ALK: variants seen among roughly 807,000 people sequenced by gnomAD.
The protein encoded by ALK is ALK tyrosine kinase receptor.
A neutral mutation model predicts 163.1 loss-of-function variants in ALK; 74 were observed. The ratio of observed to expected loss-of-function variants is 0.45; its 90% CI spans 0.38 to 0.55. The LOEUF (loss-of-function observed/expected upper bound fraction) is 0.55, where lower values mean the gene tolerates loss of function less well. Ranked by LOEUF, ALK falls within the 20% of genes least tolerant of loss-of-function variation. The pLI is 0.00. For missense variants in ALK, 2,063 were observed against 2,105.3 expected (o/e 0.98, Z 0.39); for synonymous variants, 960 against 843.2 (o/e 1.14, Z -2.40).
At chr2:29,739,438 G>A (rs1679989151) in intron 1 of ALK, among the ~76,000 whole-genome samples, 1 of 151,274 alleles carries the variant, frequency 6.6e-6, no homozygotes, top group Non-Finnish European at 1.5e-5. Flanking sequence ...TGTGCCTGTA[G>A]TCTCAGCTAC....
At chr2:29,809,583 C>T (rs571017210) in intron 1 of ALK, among the ~76,000 whole-genome samples, 34 of 152,316 alleles carry the variant, frequency 2.2e-4, no homozygotes, top group African/African-American at 8.2e-4. Flanking sequence ...CTGCCTGGCA[C>T]CTTGCTTCCT....
intron 2 of ALK, among the ~76,000 whole-genome samples, chr2:29,703,917 G>A (rs561982239): frequency 6.6e-6 from 1 of 152,138 alleles, no homozygotes; most frequent in Non-Finnish European, 1.5e-5. Flanking sequence ...ATTTCTCCTG[G>A]TTGCAGAAGT....
At chr2:29,233,504 T>C in intron 14 of ALK, 61 bp downstream of exon 14, 2 of 1,611,806 alleles carry the variant, frequency 1.2e-6, no homozygotes, top group Non-Finnish European at 8.5e-7. Flanking sequence ...AGGGCTGTCA[T>C]GAGGCTCTGA....
At chr2:29,415,080 A>T (rs1020468281) in intron 4 of ALK, among the ~76,000 whole-genome samples, 1 of 151,062 alleles carries the variant, frequency 6.6e-6, no homozygotes, top group African/African-American at 2.4e-5. Flanking sequence ...CACATCAAAT[A>T]CAGTCACAGG....
intron 5 of ALK, among the ~76,000 whole-genome samples, chr2:29,337,778 G>T (rs140804330): frequency 6.6e-6 from 1 of 152,086 alleles, no homozygotes; most frequent in Non-Finnish European, 1.5e-5. Context: ...TCTCAAGAGC[G>T]CCTTTCGCCC....
chr2:29,920,393 G>A lies in ALK; in HGVS notation c.267C>T (p.Gly89=). ...GCGGGGCGCAGTCCAGAGCTAGCGA[G>A]CCGCGGGCCTCGGGCCTGCCAGCCT... ...ELKAGRPEAR[G]SLALDCAPLL... The change falls in exon 1 of 29, where the codon GGC becomes GGT. Residue 89 remains glycine, a synonymous_variant. Coordinates refer to ENST00000389048, the MANE Select transcript of ALK (RefSeq NM_004304.5). 6.4e-7 allele frequency: 1 copy of A among 1,570,148 alleles called. No homozygotes were observed. The highest frequency in any genetic ancestry group is 1.2e-5 in the South Asian group (1 of 85,776).
intron 1 of ALK, among the ~76,000 whole-genome samples, chr2:29,765,953 T>G (rs1376317434): frequency 1.3e-5 from 2 of 152,220 alleles, no homozygotes. Context: ...GTGAGCTGGC[T>G]GCAGTGCACC....
intron 4 of ALK, among the ~76,000 whole-genome samples, chr2:29,436,559 A>C (rs1347329912): frequency 1.3e-5 from 2 of 152,242 alleles, no homozygotes; most frequent in African/African-American, 4.8e-5. Flanking sequence ...GCAGGTATCA[A>C]GAGTTCATCT....
At chr2:29,558,306 T>C (rs75915603) in intron 3 of ALK, among the ~76,000 whole-genome samples, 6,657 of 152,318 alleles carry the variant, frequency 0.044, 174 homozygotes, top group Non-Finnish European at 0.067. Flanking sequence ...ATATTCCTGC[T>C]TATCTCAGGG....
chr2:29,869,370 A>C (rs1666519454), intron 1 of ALK, among the ~76,000 whole-genome samples: 4 of 152,216 alleles, frequency 2.6e-5, no homozygotes, highest in Non-Finnish European at 5.9e-5. Context: ...CTAAGGTAAG[A>C]TCAATGTGTT....
At chr2:29,730,038 G>A (rs927119985) in intron 1 of ALK, among the ~76,000 whole-genome samples, 9 of 152,186 alleles carry the variant, frequency 5.9e-5, no homozygotes, top group East Asian at 3.9e-4. Flanking sequence ...AAGGTAAGTC[G>A]TCCTATTAAA....
chr2:29,480,323 A>T (rs1671631862), intron 4 of ALK, among the ~76,000 whole-genome samples: 1 of 152,180 alleles, frequency 6.6e-6, no homozygotes, highest in Admixed American at 6.5e-5. Flanking sequence ...TGAAATATTA[A>T]TATCTGCTAA....
At chr2:29,603,723 T>G (rs1675441840) in intron 3 of ALK, among the ~76,000 whole-genome samples, 1 of 152,110 alleles carries the variant, frequency 6.6e-6, no homozygotes, top group African/African-American at 2.4e-5. Flanking sequence ...TCAGCACCAT[T>G]CAGTCTCTCT....
intron 1 of ALK, among the ~76,000 whole-genome samples, chr2:29,765,374 T>C (rs1680829716): frequency 6.6e-6 from 1 of 152,220 alleles, no homozygotes; most frequent in Non-Finnish European, 1.5e-5. Context: ...TCATGAGCTC[T>C]CTCCAGGATT....
chr2:29,303,625 A>G (rs1220321988), intron 8 of ALK, among the ~76,000 whole-genome samples: 2 of 152,232 alleles, frequency 1.3e-5, no homozygotes, highest in Non-Finnish European at 2.9e-5. Flanking sequence ...AAGTCATAGA[A>G]TCAACCTACG....
intron 1 of ALK, among the ~76,000 whole-genome samples, chr2:29,875,498 G>T (rs867105522): frequency 6.6e-6 from 1 of 152,056 alleles, no homozygotes; most frequent in Non-Finnish European, 1.5e-5. Context: ...CCTGTGCCAC[G>T]GTGGTTTGCT....
At chr2:29,877,181 G>C (rs968135160) in intron 1 of ALK, among the ~76,000 whole-genome samples, 4 of 152,174 alleles carry the variant, frequency 2.6e-5, no homozygotes, top group Admixed American at 1.3e-4. Context: ...CTTTTTGCCT[G>C]TTTATAAGTT....
chr2:29,330,974 A>G (rs1667422201), intron 5 of ALK, among the ~76,000 whole-genome samples: 1 of 152,214 alleles, frequency 6.6e-6, no homozygotes, highest in African/African-American at 2.4e-5. Flanking sequence ...ATGTTGCTCT[A>G]TTACGTTCGT....
chr2:29,209,762 A>AG, intron 25 of ALK, 24 bp downstream of exon 25: 1 of 1,584,412 alleles, frequency 6.3e-7, no homozygotes, highest in South Asian at 1.1e-5. Flanking sequence ...ACAGGCCCGG[A>AG]GGGGTGAGGC....
Sources: gnomAD v4.1 joint callset for allele counts (sites outside exome capture counted in the v4.1 genomes callset) on GRCh38, gnomAD v4.1.1 for gene constraint, MANE v1.5 for transcripts, NCBI Gene and HGNC (gene_info 2026-07-23, HGNC 2026-07-21) for gene names.